KCNH1: variants seen among roughly 807,000 people sequenced by gnomAD.
KCNH1 encodes voltage-gated delayed rectifier potassium channel KCNH1.
KCNH1 carries 27 observed loss-of-function variants against 69.2 expected under a neutral mutation model. That is an observed-to-expected ratio of 0.39 (90% CI 0.29 to 0.54). The LOEUF is 0.54. Among genes scored for constraint, KCNH1 ranks in the 20% least tolerant of loss-of-function variants. The pLI, the probability that KCNH1 is intolerant of heterozygous loss-of-function variation, is 0.68. For synonymous variants in KCNH1, 456 were observed against 487.7 expected (o/e 0.93, Z 0.86); for missense variants, 798 against 1,261.6 (o/e 0.63, Z 5.57).
intron 9 of KCNH1, among the ~76,000 whole-genome samples, chr1:210,777,692 A>G (rs1683889323): frequency 6.6e-6 from 1 of 152,134 alleles, no homozygotes; most frequent in Non-Finnish European, 1.5e-5. Flanking sequence ...CACCCTTCAT[A>G]TTTGTGTCAT....
rs1183690349 is a variant in KCNH1 at position 210,775,426 on chromosome 1, C to A, written c.2034G>T (p.Gln678His). 1 of 1,614,162 alleles carries A rather than the reference C, an allele frequency of 6.2e-7. No individual in the cohort carries two copies. The highest frequency in any genetic ancestry group is 8.5e-7 in the Non-Finnish European group (1 of 1,179,990). ...DLHVIKRDAL[Q>H]KVLEFYTAFS... ...AGGCCGTGTAGAATTCCAGCACTTTCTGCAGGGCATCCCGCTTGATCACAT... is the reference window on the plus strand; with the variant it reads ...AGGCCGTGTAGAATTCCAGCACTTTATGCAGGGCATCCCGCTTGATCACAT... Residue 678 changes from glutamine to histidine, a missense_variant, in exon 10 of 11, where the codon CAG becomes CAT. Coordinates refer to ENST00000271751, the MANE Select transcript of KCNH1 (RefSeq NM_172362.3).
rs528513883 is a variant in KCNH1 at position 210,991,514 on chromosome 1, G to A, written c.1032+27269C>T. ...GTACAAAGTTTCAGTTAGACAGGAG[G>A]AATAAGTTTTAGTGATCTATTGCTC... On this transcript the variant is annotated intron_variant, in intron 6 of 10. Transcript: ENST00000271751. Among the ~76,000 whole-genome samples the A allele has an allele frequency of 7.9e-5, 12 of 151,926 alleles. No homozygotes were observed. The South Asian group carries it at 2.3e-3, about 29-fold the overall frequency.
chr1:210,908,662 G>A (rs1214728761), intron 7 of KCNH1, among the ~76,000 whole-genome samples: 1 of 152,088 alleles, frequency 6.6e-6, no homozygotes, highest in African/African-American at 2.4e-5. Context: ...TTCCCCAATG[G>A]GTGCATTCTA....
chr1:211,048,195 T>C (rs1449854609), intron 5 of KCNH1, among the ~76,000 whole-genome samples: 1 of 152,170 alleles, frequency 6.6e-6, no homozygotes, highest in Non-Finnish European at 1.5e-5. Flanking sequence ...GATGTTGGCA[T>C]GGATGTGGTG....
Position 210,859,444 on chromosome 1 carries a change from A to G in KCNH1, c.1463-55278T>C, listed in dbSNP as rs1220281408. 3.1e-6 allele frequency: 5 copies of G among 1,608,952 alleles called. No individual in the cohort carries two copies. The African/African-American group carries it at 4.0e-5, about 13-fold the overall frequency. ...ATCAACAGGGTTATCTTCATCATCA[A>G]TGATTGTGGAATAGCCTTCCAGAGC... On this transcript the variant is annotated intron_variant, in intron 7 of 10. Coordinates refer to ENST00000271751, the MANE Select transcript of KCNH1 (RefSeq NM_172362.3).
intron 6 of KCNH1, among the ~76,000 whole-genome samples, chr1:210,998,879 A>C (rs576826676): frequency 6.6e-6 from 1 of 152,216 alleles, no homozygotes; most frequent in South Asian, 2.1e-4. Flanking sequence ...CGCTCAAACT[A>C]CATGGAAACT....
chr1:210,865,044 C>T (rs1237201559), intron 7 of KCNH1, among the ~76,000 whole-genome samples: 1 of 152,186 alleles, frequency 6.6e-6, no homozygotes, highest in African/African-American at 2.4e-5. Context: ...TAGCCTATCA[C>T]TATAATGTGA....
rs374828824 is a variant in KCNH1 at position 211,077,209 on chromosome 1, T to C, written c.558+5571A>G. Reference sequence around the variant, plus strand: ...CTGCAGGATATTATCCAGGAGAACTTCCCCAACCTAGCGAGACAGGCCAAC... The same window carrying C: ...CTGCAGGATATTATCCAGGAGAACTCCCCCAACCTAGCGAGACAGGCCAAC... On this transcript the variant is annotated intron_variant, in intron 5 of 10. Coordinates refer to ENST00000271751, the MANE Select transcript of KCNH1 (RefSeq NM_172362.3). 1.8e-4 allele frequency among the ~76,000 whole-genome samples: 27 copies of C among 152,066 alleles called. 1 individual carries two copies. In the East Asian group the frequency reaches 3.3e-3, roughly 18 times the overall value.
At chr1:210,755,033 A>G (rs1045503552) in intron 10 of KCNH1, among the ~76,000 whole-genome samples, 1 of 152,170 alleles carries the variant, frequency 6.6e-6, no homozygotes, top group African/African-American at 2.4e-5. Flanking sequence ...AGAAGGAGAC[A>G]TTAGTAGTCG....
chr1:210,766,518 G>A (rs938235822), intron 10 of KCNH1, among the ~76,000 whole-genome samples: 4 of 151,998 alleles, frequency 2.6e-5, no homozygotes, highest in Non-Finnish European at 5.9e-5. Context: ...AGATTGAGGG[G>A]GGGTGGGGAG....
intron 6 of KCNH1, among the ~76,000 whole-genome samples, chr1:210,920,467 A>G (rs776623610): frequency 5.3e-5 from 8 of 152,182 alleles, no homozygotes; most frequent in Non-Finnish European, 1.2e-4. Flanking sequence ...TTTATTTCAT[A>G]TTGCATAACA....
chr1:211,004,371 T>C (rs943401888), intron 6 of KCNH1, among the ~76,000 whole-genome samples: 2 of 152,108 alleles, frequency 1.3e-5, no homozygotes, highest in Non-Finnish European at 1.5e-5. Context: ...ATACATATAG[T>C]ATATATATGC....
intron 4 of KCNH1, among the ~76,000 whole-genome samples, chr1:211,084,092 T>C (rs1690908844): frequency 6.6e-6 from 1 of 152,172 alleles, no homozygotes; most frequent in Non-Finnish European, 1.5e-5. Context: ...CTGCTGGGGT[T>C]GGCTTGAAAA....
chr1:211,062,398 G>C (rs1690447882), intron 5 of KCNH1, among the ~76,000 whole-genome samples: 1 of 152,108 alleles, frequency 6.6e-6, no homozygotes. Flanking sequence ...CAATACATTG[G>C]ACTGGGCAAA....
At chr1:210,743,469 G>A (rs768402811) in intron 10 of KCNH1, among the ~76,000 whole-genome samples, 12 of 152,150 alleles carry the variant, frequency 7.9e-5, no homozygotes, top group Non-Finnish European at 1.8e-4. Flanking sequence ...ATTCTCCATT[G>A]GCCTAGGAAG....
intron 6 of KCNH1, among the ~76,000 whole-genome samples, chr1:210,954,591 G>A (rs1005495628): frequency 6.6e-6 from 1 of 151,812 alleles, no homozygotes; most frequent in African/African-American, 2.4e-5. Context: ...TTTAATGATC[G>A]CCATTCTAAC....
chr1:210,864,804 C>T (rs1033206837), intron 7 of KCNH1, among the ~76,000 whole-genome samples: 5 of 152,172 alleles, frequency 3.3e-5, no homozygotes, highest in East Asian at 1.9e-4. Flanking sequence ...GAGCCTCAGC[C>T]GGAAAGATTC....
intron 10 of KCNH1, among the ~76,000 whole-genome samples, chr1:210,736,239 C>A (rs1682875552): frequency 6.6e-6 from 1 of 152,036 alleles, no homozygotes; most frequent in Non-Finnish European, 1.5e-5. Flanking sequence ...TTTTTAAAAA[C>A]TTTAGATTTT....
intron 7 of KCNH1, among the ~76,000 whole-genome samples, chr1:210,903,419 A>G (rs115700522): frequency 0.015 from 2,278 of 152,276 alleles, 65 homozygotes; most frequent in African/African-American, 0.05. Context: ...AGGACTTGGG[A>G]AGGGCTCATG....
Sources: allele counts gnomAD v4.1 joint callset (sites outside exome capture counted in the v4.1 genomes callset), GRCh38; gene constraint gnomAD v4.1.1; transcripts MANE v1.5; gene names NCBI Gene and HGNC (gene_info 2026-07-23, HGNC 2026-07-21).